Variants in BCAS3 observed in about 807,000 individuals in gnomAD.
The protein encoded by BCAS3 is BCAS4/BCAS3 fusion.
In BCAS3, 53 loss-of-function variants were observed where a neutral mutation model predicts 116.1. The ratio of observed to expected loss-of-function variants is 0.46; its 90% confidence interval spans 0.37 to 0.57. BCAS3 has a LOEUF of 0.57. Ranked by LOEUF, BCAS3 falls within the 20% of genes least tolerant of loss-of-function variation. The probability of loss-of-function intolerance (pLI) is 0.00; values close to 1 mark genes in which losing one functional copy is unlikely to be tolerated. For synonymous variants in BCAS3, 391 were observed against 408.2 expected (o/e 0.96, Z 0.51); for missense variants, 917 against 1,165.4 (o/e 0.79, Z 3.10).
intron 12 of BCAS3, 48 bp downstream of exon 12, chr17:60,910,750 G>A (rs1230211860): frequency 2.0e-6 from 3 of 1,491,126 alleles, no homozygotes; most frequent in South Asian, 2.6e-5. Context: ...TGCAAAGATG[G>A]GGCTAAGATC....
At chr17:61,014,726 T>C (rs1007939070) in intron 15 of BCAS3, among the ~76,000 whole-genome samples, 1 of 151,686 alleles carries the variant, frequency 6.6e-6, no homozygotes. Flanking sequence ...TAATTATGTA[T>C]GTAGAAAATC....
intron 14 of BCAS3, among the ~76,000 whole-genome samples, chr17:60,983,644 G>T (rs2145408592): frequency 6.6e-6 from 1 of 152,146 alleles, no homozygotes; most frequent in East Asian, 1.9e-4. Context: ...TCTATATCCT[G>T]AGTAGTCTAA....
At chr17:60,815,670 G>A (rs1161366625) in intron 7 of BCAS3, among the ~76,000 whole-genome samples, 1 of 152,132 alleles carries the variant, frequency 6.6e-6, no homozygotes, top group Admixed American at 6.5e-5. Flanking sequence ...GAACCATTCA[G>A]GGAGCCAATG....
rs150854256 is a variant in BCAS3 at position 60,788,952 on chromosome 17, G to A, written c.404-19052G>A. On this transcript the variant is annotated intron_variant, in intron 6 of 23. Coordinates refer to ENST00000407086, the MANE Select transcript of BCAS3 (RefSeq NM_017679.5). ...TGACTATACCTTGAAAGCTCACATT[G>A]AGTGAATATATAAGTTAATCTCAAC... Among the ~76,000 whole-genome samples the A allele has an allele frequency of 3.8e-3, 582 of 152,186 alleles. 7 individuals are homozygous for A. Among genetic ancestry groups the A allele is most frequent in the Admixed American group, 0.031 (477 of 15,294 alleles).
In BCAS3 at chr17:61,028,876, T is replaced by C. The variant is rs1568161383; in HGVS notation, c.1638-5790T>C. Among the ~76,000 whole-genome samples, 1 of 151,930 alleles carries C rather than the reference T, an allele frequency of 6.6e-6. No homozygotes were observed. Among genetic ancestry groups the C allele is most frequent in the African/African-American group, 2.4e-5 (1 of 41,434 alleles). On this transcript the variant is annotated intron_variant, in intron 16 of 23. Transcript: ENST00000407086. The surrounding 1 kb of genome is among the most constrained non-coding windows in gnomAD (Gnocchi z 4.3). ...GACTAAAAGGTTCTCCTTTAAAATG[T>C]TACTTTCCCAGTGGTGCATGTTTTT... is the stretch of plus-strand genomic sequence containing the variant.
rs1451469942 is a variant in BCAS3 at position 61,368,660 on chromosome 17, T to C, written c.2593+166T>C. 6.6e-6 allele frequency among the ~76,000 whole-genome samples: 1 copy of C among 152,238 alleles called. No individual in the cohort carries two copies. Among genetic ancestry groups the C allele is most frequent in the Non-Finnish European group, 1.5e-5 (1 of 68,034 alleles). On this transcript the variant is annotated intron_variant, in intron 23 of 23. Coordinates refer to ENST00000407086, the MANE Select transcript of BCAS3 (RefSeq NM_017679.5). This position sits in a 1 kb window ranked among gnomAD's most constrained non-coding sequence, Gnocchi z 6.0. ...GAGGAGCTCTGGTGTTGGGAAACCC[T>C]GTGTAAAGGGGAGCTCCCAGTGGAA...
At chr17:61,210,072 G>A (rs1170226344) in intron 22 of BCAS3, among the ~76,000 whole-genome samples, 1 of 152,230 alleles carries the variant, frequency 6.6e-6, no homozygotes, top group Non-Finnish European at 1.5e-5. Context: ...GTTCTGCAGA[G>A]TGCTTTAATT....
chr17:60,982,404 C>T (rs1323902518), intron 14 of BCAS3, among the ~76,000 whole-genome samples: 1 of 152,176 alleles, frequency 6.6e-6, no homozygotes, highest in African/African-American at 2.4e-5. Context: ...AACTCCTGGG[C>T]TTAAGCGATC....
chr17:60,928,827 A>G (rs1166169520), intron 13 of BCAS3, among the ~76,000 whole-genome samples: 1 of 152,152 alleles, frequency 6.6e-6, no homozygotes, highest in Non-Finnish European at 1.5e-5. Context: ...TTGTATCATT[A>G]GGTGACATTT....
intron 14 of BCAS3, among the ~76,000 whole-genome samples, chr17:60,977,361 T>G (rs989294690): frequency 1.3e-5 from 2 of 152,072 alleles, no homozygotes; most frequent in African/African-American, 4.8e-5. Context: ...CTTTTTTCTT[T>G]TTGTAGACAC....
rs759737626 is a variant in BCAS3, at chr17:61,368,545, T to C, written c.2593+51T>C. On this transcript the variant is annotated intron_variant, in intron 23 of 23. Coordinates refer to ENST00000407086, the MANE Select transcript of BCAS3 (RefSeq NM_017679.5). This position sits in a 1 kb window ranked among gnomAD's most constrained non-coding sequence, Gnocchi z 6.0. The stretch of plus-strand genomic sequence containing the variant: ...CTGATTTGGTCAGGACCAGCACCTG[T>C]TGGTGCAGAGCTTCTCTGGAATCGT... 6 of 1,529,332 alleles carry C rather than the reference T, an allele frequency of 3.9e-6. No homozygotes were observed. In the East Asian group the frequency reaches 1.2e-4, roughly 29 times the overall value. The allele number at this position is 1,529,332 out of a possible 1,614,324, so 94.7% of individuals were successfully genotyped here.
intron 22 of BCAS3, among the ~76,000 whole-genome samples, chr17:61,160,456 C>T (rs1227918503): frequency 6.6e-6 from 1 of 152,078 alleles, no homozygotes; most frequent in African/African-American, 2.4e-5. Context: ...AGTATGTCTC[C>T]CCTCCCTGTG....
At chr17:61,262,511 G>A (rs2049299492) in intron 22 of BCAS3, among the ~76,000 whole-genome samples, 1 of 152,036 alleles carries the variant, frequency 6.6e-6, no homozygotes, top group South Asian at 2.1e-4. Flanking sequence ...CTCCCAAGTA[G>A]CTGGGATTAC....
rs192247702 is a variant in BCAS3, at chr17:61,281,803, A to G, written c.2426-86524A>G. On this transcript the variant is annotated intron_variant, in intron 22 of 23. Coordinates refer to ENST00000407086, the MANE Select transcript of BCAS3 (RefSeq NM_017679.5). The surrounding 1 kb of genome is among the most constrained non-coding windows in gnomAD (Gnocchi z 4.2). ...TTTTAAATTTTATGTGTTTATCAAT[A>G]ATTTCTGGGGTTTGTATCATATTAA... 2.0e-5 allele frequency among the ~76,000 whole-genome samples: 3 copies of G among 152,128 alleles called. No homozygotes were observed. In the East Asian group the frequency reaches 5.8e-4, roughly 29 times the overall value.
At chr17:61,044,872 C>G (rs1031879105) in intron 19 of BCAS3, among the ~76,000 whole-genome samples, 2 of 151,192 alleles carry the variant, frequency 1.3e-5, no homozygotes, top group Non-Finnish European at 3.0e-5. Context: ...CCTGGGTTCA[C>G]GCAATTCCCC....
intron 2 of BCAS3, among the ~76,000 whole-genome samples, chr17:60,680,700 G>A (rs112759680): frequency 0.052 from 7,831 of 151,230 alleles, 696 homozygotes; most frequent in African/African-American, 0.18. Flanking sequence ...CAGTGGCGCC[G>A]TCTCGGCTCG....
chr17:61,166,783 A>T (rs2078533413), intron 22 of BCAS3, among the ~76,000 whole-genome samples: 1 of 152,168 alleles, frequency 6.6e-6, no homozygotes, highest in South Asian at 2.1e-4. Context: ...GCACAATCAT[A>T]GATCACTGTG....
rs2059337422 is a variant in BCAS3 at position 61,376,302 on chromosome 17, G to A, written c.2593+7808G>A. ...CCTGTCCTAAGCAAACCCGGAGGTT[G>A]TGTGAGCTGAAGATGCTGCCTTCAC... On this transcript the variant is annotated intron_variant, in intron 23 of 23. Transcript: ENST00000407086. This position sits in a 1 kb window ranked among gnomAD's most constrained non-coding sequence, Gnocchi z 4.5. Among the ~76,000 whole-genome samples, 1 of 152,200 alleles carries A rather than the reference G, an allele frequency of 6.6e-6. No homozygotes were observed. The highest frequency in any genetic ancestry group is 1.5e-5 in the Non-Finnish European group (1 of 68,032).
chr17:61,173,120 T>G (rs2144127105), intron 22 of BCAS3, among the ~76,000 whole-genome samples: 2 of 152,206 alleles, frequency 1.3e-5, no homozygotes, highest in Middle Eastern at 6.8e-3. Context: ...CACATCTAAA[T>G]AACTCATGGA....
Sources: allele counts gnomAD v4.1 joint callset (sites outside exome capture counted in the v4.1 genomes callset), GRCh38; gene constraint gnomAD v4.1.1; non-coding constraint Gnocchi (gnomAD v3.1); transcripts MANE v1.5; gene names NCBI Gene and HGNC (gene_info 2026-07-23, HGNC 2026-07-21).